WASF1: variants seen among roughly 807,000 people sequenced by gnomAD.
The protein encoded by WASF1 is WASP family member 1, also known as actin-binding protein WASF1.
In WASF1, 7 loss-of-function variants were observed where a neutral mutation model predicts 50.5. The observed-to-expected ratio is 0.14, with a 90% CI of 0.08 to 0.26. WASF1 has a LOEUF of 0.26. Ranked by LOEUF, WASF1 falls within the 10% of genes least tolerant of loss-of-function variation. The probability of loss-of-function intolerance (pLI) is 1.00; values close to 1 mark genes in which losing one functional copy is unlikely to be tolerated. For missense variants in WASF1, 470 were observed against 694.7 expected (o/e 0.68, Z 3.64); for synonymous variants, 205 against 244.0 (o/e 0.84, Z 1.49).
At chr6:110,116,462 G>C (rs1311792440) in intron 4 of WASF1, among the ~76,000 whole-genome samples, 2 of 152,126 alleles carry the variant, frequency 1.3e-5, no homozygotes, top group African/African-American at 4.8e-5. Context: ...AACCTGTGAC[G>C]CTGCAGCTTG....
intron 7 of WASF1, among the ~76,000 whole-genome samples, chr6:110,106,350 T>A (rs1359687547): frequency 6.6e-6 from 1 of 152,214 alleles, no homozygotes; most frequent in Admixed American, 6.5e-5. Flanking sequence ...AAATGTTAGC[T>A]AGAACACTGG....
intron 3 of WASF1, among the ~76,000 whole-genome samples, chr6:110,129,680 C>T (rs1774574838): frequency 6.6e-6 from 1 of 152,146 alleles, no homozygotes; most frequent in South Asian, 2.1e-4. Context: ...GCTAGCTCTG[C>T]TATTGTAAGT....
chr6:110,163,288 T>C (rs1447326161), intron 2 of WASF1, among the ~76,000 whole-genome samples: 8 of 151,632 alleles, frequency 5.3e-5, no homozygotes, highest in Non-Finnish European at 7.4e-5. Context: ...GCTGCTATAA[T>C]GAAGTACCAC....
intron 3 of WASF1, among the ~76,000 whole-genome samples, chr6:110,155,348 A>C (rs1290603261): frequency 6.6e-6 from 1 of 152,032 alleles, no homozygotes; most frequent in Non-Finnish European, 1.5e-5. Context: ...TGCCATTATC[A>C]TTTCCTGGCT....
At chr6:110,155,160 A>C (rs1776005126) in intron 3 of WASF1, among the ~76,000 whole-genome samples, 1 of 152,110 alleles carries the variant, frequency 6.6e-6, no homozygotes, top group African/African-American at 2.4e-5. Context: ...ATATAGATTT[A>C]CTTAATCTAT....
chr6:110,141,035 A>G, intron 3 of WASF1, among the ~76,000 whole-genome samples: 1 of 151,522 alleles, frequency 6.6e-6, no homozygotes, highest in East Asian at 1.9e-4. Flanking sequence ...AAACTTATGA[A>G]TTTTTTTTTC....
At position 110,101,823 on chromosome 6, in the gene WASF1, C is replaced by A. The variant is rs757573128; in HGVS notation, c.1287G>T (p.Pro429=). ...EVQGLPPPPP[P]PPLPPPGIRP... ...GAATGCCAGGTGGAGGCAGAGGAGG[C>A]GGTGGTGGGGGTGGAGGCAGCCCCT... is the stretch of plus-strand genomic sequence containing the variant. Residue 429 remains proline (P), a synonymous_variant, in exon 10 of 11, where the codon CCG becomes CCT. Transcript: ENST00000392589. The A allele has an allele frequency of 3.7e-6, 6 of 1,613,866 alleles. No individual in the cohort carries two copies. Among genetic ancestry groups the A allele is most frequent in the Non-Finnish European group, 5.1e-6 (6 of 1,179,936 alleles).
intron 3 of WASF1, among the ~76,000 whole-genome samples, chr6:110,132,963 T>TACACACACAC (rs142466639): frequency 0.019 from 2,513 of 130,100 alleles, 85 homozygotes; most frequent in African/African-American, 0.068. Flanking sequence ...CCATGGTGTA[T>TACACACACAC]ACACACACAC....
chr6:110,106,218 T>C (rs1314203290), intron 7 of WASF1, among the ~76,000 whole-genome samples: 1 of 152,200 alleles, frequency 6.6e-6, no homozygotes, highest in South Asian at 2.1e-4. Context: ...AGATGGGGCA[T>C]GAGGTGAGCT....
At chr6:110,124,272 CTCTATATATATATA>C (rs1475840036) in intron 4 of WASF1, among the ~76,000 whole-genome samples, 16 of 42,662 alleles carry the variant, frequency 3.8e-4, no homozygotes, top group African/African-American at 1.7e-3. Flanking sequence ...CTCTCTCTCT[CTCTATATATATATA>C]TATATATATA....
rs150936522 is a variant in WASF1, at chr6:110,141,574, C to T, written c.-28-13945G>A. ...TACTGTGCTTATTTGTTTACACATC[C>T]ATGCCTGAATGTCAGCTTTTAGAAG... is the stretch of plus-strand genomic sequence containing the variant. On this transcript the variant is annotated intron_variant, in intron 3 of 10. Coordinates refer to ENST00000392589, the MANE Select transcript of WASF1 (RefSeq NM_003931.3). Among the ~76,000 whole-genome samples the T allele has an allele frequency of 3.8e-3, 575 of 152,246 alleles. 3 individuals carry two copies. The highest frequency in any genetic ancestry group is 0.013 in the African/African-American group (556 of 41,542).
In WASF1 at chr6:110,117,995, C is replaced by G. The variant is rs190094522; in HGVS notation, c.134-4535G>C. On this transcript the variant is annotated intron_variant, in intron 4 of 10. Transcript: ENST00000392589. ...TTTTGTCACCACAAGGCCTGCCTTA[C>G]AAGAACTCCTGAAGGAAGCACTAAA... Among the ~76,000 whole-genome samples the G allele has an allele frequency of 3.6e-3, 548 of 152,192 alleles. 7 individuals are homozygous for G. The highest frequency in any genetic ancestry group is 0.022 in the Admixed American group (337 of 15,286).
At position 110,101,855 on chromosome 6, in the gene WASF1, C is replaced by T; in HGVS notation, c.1255G>A (p.Glu419Lys). The stretch of plus-strand genomic sequence containing the variant: ...GGGGGTGGAGGCAGCCCCTGAACTT[C>T]ACCTTGTGGGAGTGGATGAACTGGT... ...TVPVHPLPQG[E>K]VQGLPPPPPP... The change falls in exon 10 of 11, where the codon GAA (glutamate) becomes AAA (lysine). Residue 419 changes from glutamate to lysine, a missense_variant. Physicochemically the swap from Glu to Lys is moderately conservative, Grantham distance 56. This residue lies in a region of WASF1 where 294 missense variants were observed against 343.5 expected (regional missense o/e 0.86). Transcript: ENST00000392589. 1 of 1,613,760 alleles carries T rather than the reference C, an allele frequency of 6.2e-7. No homozygotes were observed. The highest frequency in any genetic ancestry group is 1.3e-5 in the African/African-American group (1 of 74,986).
chr6:110,101,768 G>C lies in WASF1; in HGVS notation c.1342C>G (p.Leu448Val). ...TGTAGCCCAGAGGGAGGATGAGCAAGAGCTGTAACTGTGACAGGTGATGAT... is the reference window on the plus strand; with the variant it reads ...TGTAGCCCAGAGGGAGGATGAGCAACAGCTGTAACTGTGACAGGTGATGAT... ...RPSSPVTVTA[L>V]AHPPSGLHPT... The change falls in exon 10 of 11, where the codon CTT becomes GTT. Residue 448 changes from leucine (L) to valine (V), a missense_variant. Coordinates refer to ENST00000392589, the MANE Select transcript of WASF1 (RefSeq NM_003931.3). 2 of 1,614,162 alleles carry C rather than the reference G, an allele frequency of 1.2e-6. No homozygotes were observed. Among genetic ancestry groups the C allele is most frequent in the South Asian group, 2.2e-5 (2 of 91,086 alleles).
chr6:110,103,424 G>C lies in WASF1; in HGVS notation c.847C>G (p.Pro283Ala). The change falls in exon 9 of 11, where the codon CCA becomes GCA. Residue 283 changes from proline to alanine, a missense_variant. Around this residue, in one of 3 missense-constraint regions of WASF1, gnomAD observed 294 missense variants for 343.5 expected, o/e 0.86. Transcript: ENST00000392589. ...VRPHEPPPPP[P>A]MHGAGDAKPI... ...TTTGCATCTCCTGCTCCATGCATTG[G>C]TGGAGGTGGAGGTGGTTCATGTGGT... The C allele has an allele frequency of 6.2e-7, 1 of 1,613,996 alleles. No individual in the cohort carries two copies. The highest frequency in any genetic ancestry group is 2.2e-5 in the East Asian group (1 of 44,872).
intron 4 of WASF1, among the ~76,000 whole-genome samples, chr6:110,119,405 T>C (rs905826490): frequency 2.6e-5 from 4 of 152,126 alleles, no homozygotes; most frequent in African/African-American, 4.8e-5. Flanking sequence ...GAGAATACTA[T>C]AAACACCTCT....
chr6:110,108,614 G>C lies in WASF1; in HGVS notation c.336C>G (p.Phe112Leu). The change falls in exon 6 of 11, where the codon TTC becomes TTG. Residue 112 changes from phenylalanine (F) to leucine (L), a missense_variant. Coordinates refer to ENST00000392589, the MANE Select transcript of WASF1 (RefSeq NM_003931.3). ...ATGGAATAGGCAAAGTCTTGCGATC[G>C]AAAAGCTGCTGGTCTTGAATTGTAG... is the stretch of plus-strand genomic sequence containing the variant. ...RSSTIQDQQL[F>L]DRKTLPIPLQ... 1 of 1,614,008 alleles carries C rather than the reference G, an allele frequency of 6.2e-7. No homozygotes were observed. The highest frequency in any genetic ancestry group is 8.5e-7 in the Non-Finnish European group (1 of 1,179,946).
intron 3 of WASF1, among the ~76,000 whole-genome samples, chr6:110,140,169 G>T (rs142802103): frequency 5.2e-4 from 79 of 152,214 alleles, no homozygotes; most frequent in African/African-American, 1.8e-3. Flanking sequence ...AATAGCCAAA[G>T]GTTTATTCAA....
chr6:110,152,279 A>T (rs1332701043), intron 3 of WASF1, among the ~76,000 whole-genome samples: 1 of 152,172 alleles, frequency 6.6e-6, no homozygotes, highest in Admixed American at 6.5e-5. Context: ...ACCTGAAAGC[A>T]GTTCTAGGAG....
Sources: allele counts gnomAD v4.1 joint callset (sites outside exome capture counted in the v4.1 genomes callset), GRCh38; gene constraint gnomAD v4.1.1; regional missense constraint gnomAD v4.1.1; transcripts MANE v1.5; gene names NCBI Gene and HGNC (gene_info 2026-07-23, HGNC 2026-07-21).